The following CYP46A1 variants were observed in gnomAD, a reference collection of about 807,000 sequenced individuals.
CYP46A1 encodes cholesterol 24-hydroxylase.
Under a neutral mutation model 63.3 loss-of-function variants are expected in CYP46A1, and 20 were observed. The ratio of observed to expected loss-of-function variants is 0.32; its 90% CI spans 0.22 to 0.46. CYP46A1 has a LOEUF of 0.46. CYP46A1 is among the 20% of genes least tolerant of loss of function. The probability of loss-of-function intolerance (pLI) is 1.00; values close to 1 mark genes in which losing one functional copy is unlikely to be tolerated. For missense variants in CYP46A1, 445 were observed against 670.8 expected, an observed-to-expected ratio of 0.66 and a Z score of 3.72; for synonymous variants, 268 against 273.6, an observed-to-expected ratio of 0.98 and a Z score of 0.20.
At chr14:99,685,121 CTTAAA>C (rs912469667) in intron 1 of CYP46A1, among the ~76,000 whole-genome samples, 2 of 132,576 alleles carry the variant, frequency 1.5e-5, no homozygotes, top group African/African-American at 5.6e-5. Flanking sequence ...CTTTGTGAAG[CTTAAA>C]TTAAATGTGT....
chr14:99,707,744 C>G (rs774337493), intron 7 of CYP46A1, 66 bp downstream of exon 7: 1 of 1,405,892 alleles, frequency 7.1e-7, no homozygotes, highest in Non-Finnish European at 9.9e-7. Context: ...GCTGAAGAAC[C>G]TCCTTCAGTG....
chr14:99,691,731 T>C, intron 2 of CYP46A1, 49 bp from the exon 3 acceptor site: 1 of 1,580,124 alleles, frequency 6.3e-7, no homozygotes, highest in South Asian at 1.1e-5. Flanking sequence ...TTGGTGATGG[T>C]CATACCTCAG....
intron 3 of CYP46A1, among the ~76,000 whole-genome samples, chr14:99,697,165 C>G (rs1445343406): frequency 6.6e-6 from 1 of 152,246 alleles, no homozygotes; most frequent in Non-Finnish European, 1.5e-5. Flanking sequence ...TTCCACCCTA[C>G]ATTTGCATAG....
chr14:99,697,365 T>TC (rs2056595673), intron 3 of CYP46A1, among the ~76,000 whole-genome samples: 1 of 152,216 alleles, frequency 6.6e-6, no homozygotes, highest in Non-Finnish European at 1.5e-5. Flanking sequence ...GCATAGCTTC[T>TC]CCCTGGTACT....
intron 1 of CYP46A1, 52 bp from the exon 2 acceptor site, chr14:99,691,029 G>C (rs1194490696): frequency 1.4e-5 from 21 of 1,550,538 alleles, no homozygotes; most frequent in Non-Finnish European, 1.8e-5. Context: ...GGGGAAGGGA[G>C]CGTTCTTTCC....
At chr14:99,691,891 G>T (rs749591505) in intron 3 of CYP46A1, 30 bp downstream of exon 3, 175 of 1,608,180 alleles carry the variant, frequency 1.1e-4, no homozygotes, top group Non-Finnish European at 1.4e-4. Flanking sequence ...CCATGAGGGA[G>T]TTCCCTGCCT....
rs1021689624 is a variant in CYP46A1 at position 99,727,110 on chromosome 14, C to G, written c.*383C>G. 4 of 217,772 alleles carry G rather than the reference C, an allele frequency of 1.8e-5. No homozygotes were observed. The highest frequency in any genetic ancestry group is 3.6e-5 in the Non-Finnish European group (4 of 110,074). 13.5% of individuals were successfully genotyped at this position (217,772 alleles called of 1,614,324 possible). A position where few individuals can be genotyped will look rare whatever the true frequency, so the allele number is the denominator to read the frequency against. On this transcript the variant is annotated 3_prime_UTR_variant, in exon 15 of 15. Coordinates refer to ENST00000261835, the MANE Select transcript of CYP46A1 (RefSeq NM_006668.2). ...GGCAGGGGCCCCTCCTCTGTGCTCCCTCGGTCACCTGTGCTACCTCTAACA... is the reference window on the plus strand; with the variant it reads ...GGCAGGGGCCCCTCCTCTGTGCTCCGTCGGTCACCTGTGCTACCTCTAACA...
chr14:99,706,936 G>A (rs1566830650), intron 6 of CYP46A1, 151 bp downstream of exon 6: 3 of 1,067,104 alleles, frequency 2.8e-6, no homozygotes, highest in South Asian at 3.6e-5. Flanking sequence ...TATACATTCT[G>A]TCTCCTTCAA....
In CYP46A1 at chr14:99,684,386, GACCCTGGCCTGGCCT is replaced by G; in HGVS notation, c.-31_-17del. On this transcript the variant is annotated 5_prime_UTR_variant, in exon 1 of 15. Transcript: ENST00000261835. ...TCCCGGCCCCCTCGGCGCCCGGCCC[GACCCTGGCCTGGCCT>G]GCCCTGCCCCGGAGCCATGAGCCCC... is the stretch of plus-strand genomic sequence containing the variant. 7.6e-7 allele frequency: 1 copy of G among 1,308,918 alleles called. No individual in the cohort carries two copies. The highest frequency in any genetic ancestry group is 9.7e-7 in the Non-Finnish European group (1 of 1,027,144). The allele number at this position is 1,308,918 out of a possible 1,614,324, so 81.1% of individuals were successfully genotyped here.
chr14:99,685,176 A>G lies in CYP46A1; in HGVS notation c.119+640A>G, dbSNP rs533135624. 3.3e-3 allele frequency among the ~76,000 whole-genome samples: 490 copies of G among 148,854 alleles called. 1 individual carries two copies. Among genetic ancestry groups the G allele is most frequent in the Non-Finnish European group, 5.8e-3 (394 of 67,460 alleles). The stretch of plus-strand genomic sequence containing the variant: ...AAGGGCTTCCCATCACTTGACAACT[A>G]AATGCAGTTCTAAATTAAGTCGGCT... On this transcript the variant is annotated intron_variant, in intron 1 of 14. Transcript: ENST00000261835.
intron 3 of CYP46A1, chr14:99,693,079 A>G (rs1443490922): frequency 6.6e-6 from 1 of 152,328 alleles, no homozygotes; most frequent in Admixed American, 6.5e-5. Flanking sequence ...TAGAACTAAA[A>G]TAATATAAAT....
rs1178158162 is a variant in CYP46A1, at chr14:99,706,777, C to T, written c.574C>T (p.Leu192=). Residue 192 remains leucine, a synonymous_variant, in exon 6 of 15, where the codon CTG becomes TTG. Transcript: ENST00000261835. ...DMLTYTAMDI[L]AKAAFGMETS... ...GCTGACCTACACCGCCATGGACATC[C>T]TGGCCAAGGTGATGGGTGACAGTCG... is the stretch of plus-strand genomic sequence containing the variant. The T allele has an allele frequency of 4.3e-6, 7 of 1,612,558 alleles. No individual in the cohort carries two copies. Among genetic ancestry groups the T allele is most frequent in the Non-Finnish European group, 5.9e-6 (7 of 1,179,768 alleles).
chr14:99,699,342 T>C (rs1259292540), intron 3 of CYP46A1, 124 bp from the exon 4 acceptor site: 1 of 869,774 alleles, frequency 1.1e-6, no homozygotes, highest in Non-Finnish European at 2.0e-6. Context: ...GGATCATGCA[T>C]GGGAAGTGGG....
intron 5 of CYP46A1, among the ~76,000 whole-genome samples, chr14:99,704,272 C>A (rs2056656391): frequency 6.6e-6 from 1 of 152,150 alleles, no homozygotes; most frequent in Non-Finnish European, 1.5e-5. Context: ...TTTAATCTCA[C>A]AATAAGATGT....
At chr14:99,699,658 C>G in intron 4 of CYP46A1, 119 bp downstream of exon 4, 1 of 1,077,728 alleles carries the variant, frequency 9.3e-7, no homozygotes, top group Non-Finnish European at 1.4e-6. Context: ...GGCTGCCAGG[C>G]ATGTGATGAG....
chr14:99,691,027 G>A lies in CYP46A1; in HGVS notation c.120-54G>A, dbSNP rs2056538782. The A allele has an allele frequency of 3.2e-6, 5 of 1,541,024 alleles. No individual in the cohort carries two copies. The South Asian group carries it at 5.6e-5, about 17-fold the overall frequency. On this transcript the variant is annotated intron_variant, in intron 1 of 14. Transcript: ENST00000261835. ...TAGTAATAAGATCTTGTGGGGAAGG[G>A]AGCGTTCTTTCCTGTTGACTGCTGG...
At chr14:99,713,116 A>G (rs1403992620) in intron 7 of CYP46A1, 2 of 152,148 alleles carry the variant, frequency 1.3e-5, no homozygotes, top group Non-Finnish European at 2.9e-5. Context: ...GTCTCTCACC[A>G]TATACAAAAA....
At chr14:99,709,815 A>C (rs1474810978) in intron 7 of CYP46A1, 4 of 152,228 alleles carry the variant, frequency 2.6e-5, no homozygotes, top group Non-Finnish European at 5.9e-5. Context: ...AAAGACACAG[A>C]GAGAATTTTA....
chr14:99,700,206 T>TC (rs1952668439), intron 5 of CYP46A1, 105 bp downstream of exon 5: 4 of 704,472 alleles, frequency 5.7e-6, no homozygotes, highest in Non-Finnish European at 8.9e-6. Context: ...CAAGGGGGCC[T>TC]CCCTCAGCTG....
Sources: gnomAD v4.1 joint callset for allele counts (sites outside exome capture counted in the v4.1 genomes callset) on GRCh38, gnomAD v4.1.1 for gene constraint, MANE v1.5 for transcripts, NCBI Gene and HGNC (gene_info 2026-07-23, HGNC 2026-07-21) for gene names.